ZNF804A: variants seen among roughly 807,000 people sequenced by gnomAD.
ZNF804A encodes zinc finger protein 804A.
A neutral mutation model predicts 16.5 loss-of-function variants in ZNF804A; 2 were observed. The observed-to-expected ratio is 0.12, with a 90% CI of 0.05 to 0.38. The LOEUF is 0.38. Among genes scored for constraint, ZNF804A ranks in the 10% least tolerant of loss-of-function variants. The pLI, the probability that ZNF804A is intolerant of heterozygous loss-of-function variation, is 0.99. For synonymous variants in ZNF804A, 534 were observed against 489.6 expected (o/e 1.09, Z -1.20); for missense variants, 1,473 against 1,390.7 (o/e 1.06, Z -0.94).
chr2:184,652,501 CT>C (rs1692002516), intron 1 of ZNF804A, among the ~76,000 whole-genome samples: 1 of 151,868 alleles, frequency 6.6e-6, no homozygotes, highest in South Asian at 2.1e-4. Context: ...ATGTTTAAAA[CT>C]TTTTTACTAA....
intron 1 of ZNF804A, among the ~76,000 whole-genome samples, chr2:184,808,714 T>A (rs1694848595): frequency 6.6e-6 from 1 of 151,678 alleles, no homozygotes; most frequent in Admixed American, 6.6e-5. Context: ...CCTAAATATT[T>A]AGTAAAAATT....
At chr2:184,928,453 G>A (rs1195055106) in intron 2 of ZNF804A, among the ~76,000 whole-genome samples, 1 of 151,984 alleles carries the variant, frequency 6.6e-6, no homozygotes, top group African/African-American at 2.4e-5. Context: ...GGAGCCATGA[G>A]CTCTGCAGCC....
At chr2:184,880,966 A>G (rs1684801355) in intron 2 of ZNF804A, among the ~76,000 whole-genome samples, 1 of 152,138 alleles carries the variant, frequency 6.6e-6, no homozygotes, top group African/African-American at 2.4e-5. Context: ...AAGAATGAAG[A>G]TCATCGACAT....
chr2:184,743,447 G>A (rs1358722251), intron 1 of ZNF804A, among the ~76,000 whole-genome samples: 12 of 152,008 alleles, frequency 7.9e-5, no homozygotes, highest in East Asian at 3.9e-4. Context: ...CATTTGGGGA[G>A]CTTTCCAAGT....
intron 1 of ZNF804A, among the ~76,000 whole-genome samples, chr2:184,681,557 A>G (rs1306301442): frequency 6.6e-6 from 1 of 152,252 alleles, no homozygotes; most frequent in Non-Finnish European, 1.5e-5. Flanking sequence ...TATGCCAGGA[A>G]TTCTGAACAA....
At chr2:184,637,192 T>G (rs1691713442) in intron 1 of ZNF804A, among the ~76,000 whole-genome samples, 1 of 152,192 alleles carries the variant, frequency 6.6e-6, no homozygotes. Context: ...AGACAAATTT[T>G]TATCTGCTGT....
intron 2 of ZNF804A, among the ~76,000 whole-genome samples, chr2:184,907,992 A>G (rs1000766596): frequency 3.3e-5 from 5 of 152,154 alleles, no homozygotes; most frequent in Non-Finnish European, 7.4e-5. Flanking sequence ...CTTCCAAAGC[A>G]TCTGATACTG....
intron 1 of ZNF804A, among the ~76,000 whole-genome samples, chr2:184,855,243 C>T (rs921139613): frequency 6.6e-6 from 1 of 152,026 alleles, no homozygotes; most frequent in Admixed American, 6.6e-5. Flanking sequence ...CTGTCATAGT[C>T]AAAAGTTGTG....
intron 1 of ZNF804A, among the ~76,000 whole-genome samples, chr2:184,608,436 G>A (rs1315925638): frequency 2.0e-5 from 3 of 152,118 alleles, no homozygotes; most frequent in Admixed American, 1.3e-4. Flanking sequence ...TGGGGGTAGG[G>A]CTGTAATTGG....
chr2:184,864,815 A>G (rs1268439443), intron 1 of ZNF804A, among the ~76,000 whole-genome samples: 2 of 151,958 alleles, frequency 1.3e-5, no homozygotes, highest in Non-Finnish European at 2.9e-5. Context: ...TTATTTAAAA[A>G]TATCAGTGCT....
At chr2:184,767,929 A>C (rs1694154554) in intron 1 of ZNF804A, among the ~76,000 whole-genome samples, 1 of 152,090 alleles carries the variant, frequency 6.6e-6, no homozygotes, top group Admixed American at 6.6e-5. Flanking sequence ...CATGTTTTAT[A>C]GCTGCTATAT....
At position 184,905,837 on chromosome 2, in the gene ZNF804A, C is replaced by A. The variant is rs570402002; in HGVS notation, c.256-27766C>A. Among the ~76,000 whole-genome samples, 65 of 152,134 alleles carry A rather than the reference C, an allele frequency of 4.3e-4. No individual in the cohort carries two copies. In the South Asian group the frequency reaches 8.7e-3, roughly 20 times the overall value. On this transcript the variant is annotated intron_variant, in intron 2 of 3. Coordinates refer to ENST00000302277, the MANE Select transcript of ZNF804A (RefSeq NM_194250.2). ...AAGAGAACCACTGTTCTAGCTGTTC[C>A]AATTTAAAATTGAATCATCTGATAA...
At chr2:184,705,068 G>T (rs1359487226) in intron 1 of ZNF804A, among the ~76,000 whole-genome samples, 1 of 152,184 alleles carries the variant, frequency 6.6e-6, no homozygotes, top group Non-Finnish European at 1.5e-5. Context: ...GTGTTAGATT[G>T]CACCTGTTTG....
intron 2 of ZNF804A, among the ~76,000 whole-genome samples, chr2:184,877,595 T>C (rs1047036685): frequency 1.3e-5 from 2 of 152,064 alleles, no homozygotes; most frequent in African/African-American, 4.8e-5. Context: ...GAGATAAATA[T>C]GGTAAATAGC....
intron 2 of ZNF804A, among the ~76,000 whole-genome samples, chr2:184,866,998 T>A (rs536775545): frequency 5.7e-4 from 87 of 151,822 alleles, no homozygotes; most frequent in Non-Finnish European, 1.0e-3. Flanking sequence ...AAAAAAAGAT[T>A]GAGTGTACTA....
At chr2:184,605,507 C>T (rs1691130908) in intron 1 of ZNF804A, among the ~76,000 whole-genome samples, 1 of 151,928 alleles carries the variant, frequency 6.6e-6, no homozygotes, top group African/African-American at 2.4e-5. Context: ...ATCTCAAATA[C>T]TCAAAAAAGA....
At chr2:184,773,281 G>T (rs546298990) in intron 1 of ZNF804A, among the ~76,000 whole-genome samples, 4 of 151,080 alleles carry the variant, frequency 2.6e-5, no homozygotes, top group African/African-American at 7.3e-5. Context: ...TTTTAACCTG[G>T]TCATCAATTC....
intron 1 of ZNF804A, among the ~76,000 whole-genome samples, chr2:184,821,488 C>A (rs1232677111): frequency 6.6e-6 from 1 of 152,056 alleles, no homozygotes; most frequent in Non-Finnish European, 1.5e-5. Context: ...CAATGCCATT[C>A]AGGATGTAGG....
intron 1 of ZNF804A, among the ~76,000 whole-genome samples, chr2:184,644,452 TA>T (rs1691841665): frequency 6.6e-6 from 1 of 151,750 alleles, no homozygotes. Flanking sequence ...AATAAAATAT[TA>T]AAAGGCATAA....
Sources: allele counts gnomAD v4.1 joint callset (sites outside exome capture counted in the v4.1 genomes callset), GRCh38; gene constraint gnomAD v4.1.1; transcripts MANE v1.5; gene names NCBI Gene and HGNC (gene_info 2026-07-23, HGNC 2026-07-21).